The following PRSS33 variants were observed in gnomAD, a reference collection of about 807,000 sequenced individuals.
The protein encoded by PRSS33 is serine protease 33.
Under a neutral mutation model 26.7 loss-of-function variants are expected in PRSS33, and 32 were observed. That is an observed-to-expected ratio of 1.20 (90% CI 0.90 to 1.61). PRSS33 has a LOEUF of 1.61. PRSS33 is among the 40% of genes most tolerant of loss of function. PRSS33 has a pLI of 0.00. For synonymous variants in PRSS33, 192 were observed against 177.6 expected (o/e 1.08, Z -0.64); for missense variants, 450 against 396.3 (o/e 1.14, Z -1.15).
At position 2,784,770 on chromosome 16, in the gene PRSS33, C is replaced by G; in HGVS notation, c.717G>C (p.Gln239His). 6.2e-7 allele frequency: 1 copy of G among 1,609,420 alleles called. No individual in the cohort carries two copies. The highest frequency in any genetic ancestry group is 1.3e-5 in the African/African-American group (1 of 74,946). ...GDSGGPLTCLQSGSWVLVGVV... is the reference protein window; with the variant it reads ...GDSGGPLTCLHSGSWVLVGVV... ...CGCCCACCAGGACCCAGCTCCCAGA[C>G]TGCAGGCAGGTCAGAGGTCCCCCAG... Residue 239 changes from glutamine to histidine, a missense_variant, in exon 7 of 7, where the codon CAG becomes CAC. Transcript: ENST00000682474.
chr16:2,784,934 G>A, intron 6 of PRSS33, 68 bp downstream of exon 6: 1 of 1,555,044 alleles, frequency 6.4e-7, no homozygotes, highest in Non-Finnish European at 8.7e-7. Flanking sequence ...CTGGGTCCTG[G>A]AGTTCAGGGA....
At position 2,786,117 on chromosome 16, in the gene PRSS33, A is replaced by G; in HGVS notation, c.51T>C (p.Ala17=). The stretch of plus-strand genomic sequence containing the variant: ...CAGACTTCCTTCCCTGAGTCCCAGC[A>G]GCTCCTGGAGGAGGAAGCAGGGAAG... ...LQVLLLLVLG[A]AGTQGRKSAA... Residue 17 remains alanine (A), a synonymous_variant, in exon 3 of 7, where the codon GCT becomes GCC. Coordinates refer to ENST00000682474, the MANE Select transcript of PRSS33 (RefSeq NM_152891.3). 6.2e-7 allele frequency: 1 copy of G among 1,613,414 alleles called. No individual in the cohort carries two copies.
chr16:2,785,841 ATGAGCGAC>A lies in PRSS33; in HGVS notation c.192_199del (p.Ser65ArgfsTer20). ...CGCTGTCAGCACCCACTGGGGGGCG[ATGAGCGAC>A]CCCCCGCACACGTGTGCCCCACGAT... On this transcript the variant is annotated frameshift_variant, in exon 4 of 7. Coordinates refer to ENST00000682474, the MANE Select transcript of PRSS33 (RefSeq NM_152891.3). LOFTEE classifies it high-confidence loss of function. 6.2e-7 allele frequency: 1 copy of A among 1,607,018 alleles called. No homozygotes were observed. Among genetic ancestry groups the A allele is most frequent in the Non-Finnish European group, 8.5e-7 (1 of 1,178,640 alleles).
chr16:2,786,201 G>C, intron 2 of PRSS33, 80 bp from the exon 3 acceptor site: 1 of 1,254,528 alleles, frequency 8.0e-7, no homozygotes, highest in Non-Finnish European at 1.2e-6. Context: ...CAGAGATGAG[G>C]AAGGAGGGTG....
At chr16:2,787,214 C>T (rs1487515247) in intron 1 of PRSS33, among the ~76,000 whole-genome samples, 1 of 7,314 alleles carries the variant, frequency 1.4e-4, no homozygotes, top group Non-Finnish European at 3.4e-4. Context: ...CTCCTCCTCA[C>T]TCCCCTCCCT....
At position 2,784,542 on chromosome 16, in the gene PRSS33, G is replaced by A. The variant is rs984741143; in HGVS notation, c.*102C>T. 4.1e-6 allele frequency: 5 copies of A among 1,213,814 alleles called. No individual in the cohort carries two copies. In the African/African-American group the frequency reaches 7.7e-5, roughly 19 times the overall value. 75.2% of individuals were successfully genotyped at this position (1,213,814 alleles called of 1,614,324 possible). A position where few individuals can be genotyped will look rare whatever the true frequency, so the allele number is the denominator to read the frequency against. The stretch of plus-strand genomic sequence containing the variant: ...GCCTTTAGCTTTTTTAGGCATCTTG[G>A]CCTCGAGGCAGAAGGGATGTGGGGT... On this transcript the variant is annotated 3_prime_UTR_variant, in exon 7 of 7. Transcript: ENST00000682474.
intron 3 of PRSS33, 25 bp downstream of exon 3, chr16:2,786,064 C>A (rs764769997): frequency 1.2e-6 from 2 of 1,613,184 alleles, no homozygotes; most frequent in African/African-American, 1.3e-5. Flanking sequence ...GGGGCTGACT[C>A]GGGTGGACTC....
At position 2,786,106 on chromosome 16, in the gene PRSS33, T is replaced by C. The variant is rs756399982; in HGVS notation, c.62A>G (p.Gln21Arg). 1.9e-6 allele frequency: 3 copies of C among 1,613,496 alleles called. No homozygotes were observed. In the South Asian group the frequency reaches 3.3e-5, roughly 18 times the overall value. ...TTCCTCACCTGCAGACTTCCTTCCCTGAGTCCCAGCAGCTCCTGGAGGAGG... is the reference window on the plus strand; with the variant it reads ...TTCCTCACCTGCAGACTTCCTTCCCCGAGTCCCAGCAGCTCCTGGAGGAGG... The part of the protein sequence containing the change: ...LLLVLGAAGT[Q>R]GRKSAACGQP... The change falls in exon 3 of 7, where the codon CAG becomes CGG. Residue 21 changes from glutamine to arginine, a missense_variant. By Grantham distance (43) the Gln-to-Arg change is conservative (BLOSUM62 1). Transcript: ENST00000682474.
chr16:2,784,732 C>T lies in PRSS33; in HGVS notation c.755G>A (p.Gly252Asp). ...SWVLVGVVSW[G>D]KGCALPNRPG... ...ACGGTTGGGCAGGGCACAACCCTTG[C>T]CCCAGCTCACCACGCCCACCAGGAC... The change falls in exon 7 of 7, where the codon GGC (glycine) becomes GAC (aspartate). Residue 252 changes from glycine to aspartate, a missense_variant. By Grantham distance (94) the Gly-to-Asp change is moderately conservative (BLOSUM62 -1). Coordinates refer to ENST00000682474, the MANE Select transcript of PRSS33 (RefSeq NM_152891.3). 6.2e-7 allele frequency: 1 copy of T among 1,607,408 alleles called. No homozygotes were observed. The highest frequency in any genetic ancestry group is 1.1e-5 in the South Asian group (1 of 89,706).
rs770727194 is a variant in PRSS33, at chr16:2,785,129, G to A, written c.557C>T (p.Pro186Leu). The stretch of plus-strand genomic sequence containing the variant: ...GTCGCAGGTGCGCGAGTCCAGCAGC[G>A]GCACCCTTACTCCTTGTAGCGGTCG... Reference protein sequence around the residue: ...EWRPLQGVRVPLLDSRTCDGL... With the variant: ...EWRPLQGVRVLLLDSRTCDGL... Residue 186 changes from proline (P) to leucine (L), a missense_variant, in exon 6 of 7, where the codon CCG (proline) becomes CTG (leucine). Physicochemically the swap from Pro to Leu is moderately conservative, Grantham distance 98 (BLOSUM62 -3). Coordinates refer to ENST00000682474, the MANE Select transcript of PRSS33 (RefSeq NM_152891.3). 6 of 1,545,056 alleles carry A rather than the reference G, an allele frequency of 3.9e-6. No homozygotes were observed. Among genetic ancestry groups the A allele is most frequent in the South Asian group, 3.6e-5 (3 of 84,160 alleles).
rs777873334 is a variant in PRSS33, at chr16:2,784,690, C to A, written c.797G>T (p.Ser266Ile). The A allele has an allele frequency of 3.1e-6, 5 of 1,606,032 alleles. No individual in the cohort carries two copies. The South Asian group carries it at 5.6e-5, about 18-fold the overall frequency. Residue 266 changes from serine (S) to isoleucine (I), a missense_variant, in exon 7 of 7, where the codon AGT becomes ATT. By Grantham distance (142) the Ser-to-Ile change is moderately radical. Transcript: ENST00000682474. ...AATCCAGGGGCTATATGTGGCCACACTGGTGTAGACCCCTGGACGGTTGGG... is the reference window on the plus strand; with the variant it reads ...AATCCAGGGGCTATATGTGGCCACAATGGTGTAGACCCCTGGACGGTTGGG... ...ALPNRPGVYT[S>I]VATYSPWIQA...
Position 2,784,722 on chromosome 16 carries a change from A to AC in PRSS33, c.764dup (p.Cys255TrpfsTer17). 6.2e-7 allele frequency: 1 copy of AC among 1,607,194 alleles called. No individual in the cohort carries two copies. Among genetic ancestry groups the AC allele is most frequent in the South Asian group, 1.1e-5 (1 of 89,714 alleles). On this transcript the variant is annotated frameshift_variant, in exon 7 of 7. Transcript: ENST00000682474. LOFTEE classifies it low-confidence loss of function (END_TRUNC). The stretch of plus-strand genomic sequence containing the variant: ...AGACCCCTGGACGGTTGGGCAGGGC[A>AC]CAACCCTTGCCCCAGCTCACCACGC...
Position 2,785,153 on chromosome 16 carries a change from C to G in PRSS33, c.533G>C (p.Arg178Pro). The change falls in exon 6 of 7, where the codon CGA (arginine) becomes CCA (proline). Residue 178 changes from arginine (R) to proline (P), a missense_variant. Physicochemically the swap from Arg to Pro is moderately radical, Grantham distance 103. Coordinates refer to ENST00000682474, the MANE Select transcript of PRSS33 (RefSeq NM_152891.3). ...CGGCACCCTTACTCCTTGTAGCGGTCGCCACTCTGGGAGGGGCACTGGGGG... is the reference window on the plus strand; with the variant it reads ...CGGCACCCTTACTCCTTGTAGCGGTGGCCACTCTGGGAGGGGCACTGGGGG... ...LRPGVPLPEW[R>P]PLQGVRVPLL... 2.6e-6 allele frequency: 4 copies of G among 1,540,398 alleles called. No individual in the cohort carries two copies. The highest frequency in any genetic ancestry group is 3.5e-6 in the Non-Finnish European group (4 of 1,146,368).
At chr16:2,785,696 C>T in intron 4 of PRSS33, 50 bp from the exon 5 acceptor site, 1 of 1,468,114 alleles carries the variant, frequency 6.8e-7, no homozygotes, top group African/African-American at 1.4e-5. Context: ...CCTCGACCCC[C>T]TCCAGCCCGC....
In PRSS33 at chr16:2,786,503, C is replaced by T; in HGVS notation, c.45G>A (p.Leu15=). ...CCCCCAGTCCCTGTCCCCACTCACC[C>T]AGCACCAGAAGGAGCAGGACCTGGA... ...SCLQVLLLLV[L]GAAGTQGRKS... is the part of the protein sequence containing the mutation. The change falls in exon 2 of 7, where the codon CTG becomes CTA. Residue 15 remains leucine (L), a splice_region_variant and synonymous_variant. Transcript: ENST00000682474. 2 of 1,613,472 alleles carry T rather than the reference C, an allele frequency of 1.2e-6. No homozygotes were observed. The highest frequency in any genetic ancestry group is 1.7e-6 in the Non-Finnish European group (2 of 1,179,750).
chr16:2,784,873 C>A, intron 6 of PRSS33, 71 bp from the exon 7 acceptor site: 1 of 1,531,356 alleles, frequency 6.5e-7, no homozygotes, highest in Non-Finnish European at 8.8e-7. Context: ...AGACCCCTGG[C>A]GTGGTGCCTC....
Position 2,785,725 on chromosome 16 carries a change from G to T in PRSS33, c.242+74C>A. ...AGCCCGCCTCGACCCCAACGCCTCT[G>T]CCAGGCCACGCCCGGTCCTCTGCGG... On this transcript the variant is annotated intron_variant, in intron 4 of 6. Transcript: ENST00000682474. 3.4e-6 allele frequency: 5 copies of T among 1,481,934 alleles called. No individual in the cohort carries two copies. In the South Asian group the frequency reaches 6.7e-5, roughly 20 times the overall value. The allele number at this position is 1,481,934 out of a possible 1,614,324, so 91.8% of individuals were successfully genotyped here. A position where few individuals can be genotyped will look rare whatever the true frequency, so the allele number is the denominator to read the frequency against.
At chr16:2,787,013 C>T (rs1465023625) in intron 1 of PRSS33, among the ~76,000 whole-genome samples, 2 of 76,288 alleles carry the variant, frequency 2.6e-5, no homozygotes, top group Non-Finnish European at 5.4e-5. Flanking sequence ...ATCCTCACCC[C>T]CTCCCTCATC....
chr16:2,785,528 C>T lies in PRSS33; in HGVS notation c.361G>A (p.Asp121Asn). 1.3e-6 allele frequency: 2 copies of T among 1,525,404 alleles called. No individual in the cohort carries two copies. The highest frequency in any genetic ancestry group is 2.4e-5 in the South Asian group (2 of 82,852). The allele number at this position is 1,525,404 out of a possible 1,614,324, so 94.5% of individuals were successfully genotyped here. Residue 121 changes from aspartate to asparagine, a missense_variant, in exon 5 of 7, where the codon GAC becomes AAC. By Grantham distance (23) the Asp-to-Asn change is conservative (BLOSUM62 1). Coordinates refer to ENST00000682474, the MANE Select transcript of PRSS33 (RefSeq NM_152891.3). ...RVLLPPDYSE[D>N]GARGDLALLQ... ...AGTGCCAGGTCGCCGCGGGCCCCGT[C>T]CTCGGAGTAGTCCGGGGGCAGCAGC...
Sources: gnomAD v4.1 joint callset for allele counts (sites outside exome capture counted in the v4.1 genomes callset) on GRCh38, gnomAD v4.1.1 for gene constraint, MANE v1.5 for transcripts, NCBI Gene and HGNC (gene_info 2026-07-23, HGNC 2026-07-21) for gene names.